The following LITAF variants were observed in gnomAD, a reference collection of about 807,000 sequenced individuals.
LITAF encodes the protein lipopolysaccharide-induced tumor necrosis factor-alpha factor.
LITAF carries 9 observed loss-of-function variants against 14.5 expected under a neutral mutation model. That is an observed-to-expected ratio of 0.62 (90% confidence interval 0.37 to 1.08). The LOEUF (loss-of-function observed/expected upper bound fraction) is 1.08, where lower values mean the gene tolerates loss of function less well. Among genes scored for constraint, LITAF ranks in the 50% least tolerant of loss-of-function variants. The pLI, the probability that LITAF is intolerant of heterozygous loss-of-function variation, is 0.01. For missense variants in LITAF, 206 were observed against 213.4 expected, an observed-to-expected ratio of 0.97 and a Z score of 0.22; for synonymous variants, 98 against 88.2, an observed-to-expected ratio of 1.11 and a Z score of -0.62.
intron 1 of LITAF, among the ~76,000 whole-genome samples, chr16:11,566,293 G>A (rs2064450125): frequency 6.6e-6 from 1 of 152,172 alleles, no homozygotes; most frequent in Non-Finnish European, 1.5e-5. Context: ...GTGACCCAAT[G>A]TCCCAGTCTC....
intron 3 of LITAF, among the ~76,000 whole-genome samples, chr16:11,614,941 G>C (rs2065007879): frequency 6.6e-6 from 1 of 152,244 alleles, no homozygotes. Context: ...CGAATGCATG[G>C]CTTCCAGGAC....
In LITAF at chr16:11,553,659, G is replaced by A. The variant is rs761746674; in HGVS notation, c.251C>T (p.Pro84Leu). Reference protein sequence around the residue: ...ITVQTVYVQHPITFLDRPIQM... With the variant: ...ITVQTVYVQHLITFLDRPIQM... ...GATAGGGCGGTCCAAAAAGGTGATG[G>A]GGTGCTGCACGTAGACCGTCTGCAC... Residue 84 changes from proline (P) to leucine (L), a missense_variant, in exon 3 of 4, where the codon CCC becomes CTC. Pro to Leu is a moderately conservative substitution (Grantham distance 98). Coordinates refer to ENST00000622633, the MANE Select transcript of LITAF (RefSeq NM_001136472.2). This position sits in a 1 kb window ranked among gnomAD's most constrained non-coding sequence, Gnocchi z 7.7. 1.1e-5 allele frequency: 17 copies of A among 1,614,022 alleles called. No homozygotes were observed. The highest frequency in any genetic ancestry group is 1.7e-5 in the Admixed American group (1 of 59,994).
chr16:11,573,765 G>C (rs949221834), intron 1 of LITAF, among the ~76,000 whole-genome samples: 2 of 141,670 alleles, frequency 1.4e-5, no homozygotes, highest in African/African-American at 5.3e-5. Flanking sequence ...GCAGTGGCGC[G>C]ATCTCGACTC....
chr16:11,620,394 G>A (rs539595331), intron 3 of LITAF, among the ~76,000 whole-genome samples: 14 of 152,090 alleles, frequency 9.2e-5, no homozygotes, highest in Middle Eastern at 3.4e-3. Context: ...TGTTTTCGCC[G>A]TGGGACATGC....
In LITAF at chr16:11,632,025, C is replaced by G. The variant is rs985381907; in HGVS notation, c.85+1508G>C. Among the ~76,000 whole-genome samples, 4 of 151,950 alleles carry G rather than the reference C, an allele frequency of 2.6e-5. No individual in the cohort carries two copies. The highest frequency in any genetic ancestry group is 4.8e-5 in the African/African-American group (2 of 41,362). On this transcript the variant is annotated intron_variant, in intron 3 of 3. Coordinates refer to the LITAF transcript ENST00000574848. This position sits in a 1 kb window ranked among gnomAD's most constrained non-coding sequence, Gnocchi z 4.8. ...GGGATTACAGGTGTGCGCCACCACGCCCGGCTAATTTTTTTGTCTTTTTAG... is the reference window on the plus strand; with the variant it reads ...GGGATTACAGGTGTGCGCCACCACGGCCGGCTAATTTTTTTGTCTTTTTAG...
intron 3 of LITAF, among the ~76,000 whole-genome samples, chr16:11,631,202 A>G (rs935116130): frequency 6.6e-6 from 1 of 152,164 alleles, no homozygotes; most frequent in African/African-American, 2.4e-5. Context: ...TGTGGCTGCA[A>G]TTATCACATC....
chr16:11,559,099 T>TA (rs146801534), intron 1 of LITAF, among the ~76,000 whole-genome samples: 2 of 151,924 alleles, frequency 1.3e-5, no homozygotes, highest in East Asian at 1.9e-4. Flanking sequence ...TTTTAAAAAT[T>TA]AAAAAAATTA....
intron 1 of LITAF, among the ~76,000 whole-genome samples, chr16:11,570,904 C>G (rs1412135230): frequency 6.6e-6 from 1 of 151,782 alleles, no homozygotes; most frequent in Non-Finnish European, 1.5e-5. Flanking sequence ...GGCAACAGAG[C>G]AAGACCTCTG....
upstream of LITAF, among the ~76,000 whole-genome samples, chr16:11,589,923 C>CCACACGTTCTGATTTTAAA (rs1597362996): frequency 1.7e-3 from 204 of 117,094 alleles, 2 homozygotes; most frequent in Middle Eastern, 4.4e-3. Flanking sequence ...CACACCCAGC[C>CCACACGTTCTGATTTTAAA]AGTTGCATTT....
At chr16:11,608,745 C>A (rs1026471391) in intron 3 of LITAF, among the ~76,000 whole-genome samples, 1 of 152,088 alleles carries the variant, frequency 6.6e-6, no homozygotes, top group Admixed American at 6.6e-5. Context: ...GGTGGATCAT[C>A]TGAGATCAGG....
chr16:11,578,327 G>GCACA (rs2141821734), intron 1 of LITAF, among the ~76,000 whole-genome samples: 1 of 152,320 alleles, frequency 6.6e-6, no homozygotes, highest in African/African-American at 2.4e-5. Flanking sequence ...GGAGGCCAAG[G>GCACA]CGGGTGGATC....
intron 1 of LITAF, among the ~76,000 whole-genome samples, chr16:11,570,421 T>A (rs919553462): frequency 5.3e-5 from 8 of 152,194 alleles, no homozygotes; most frequent in Non-Finnish European, 7.3e-5. Context: ...CACAGGGACC[T>A]GTTCTGTACC....
upstream of LITAF, among the ~76,000 whole-genome samples, chr16:11,637,481 G>T (rs564395411): frequency 6.6e-6 from 1 of 152,220 alleles, no homozygotes; most frequent in Admixed American, 6.5e-5. Flanking sequence ...CTGGCAGCTG[G>T]GGACCTGGGC....
chr16:11,624,906 C>A, intron 3 of LITAF, among the ~76,000 whole-genome samples: 1 of 152,132 alleles, frequency 6.6e-6, no homozygotes, highest in Non-Finnish European at 1.5e-5. Context: ...CACTCTGACC[C>A]TCCTGGCGTG....
At chr16:11,563,477 T>C (rs1272543698) in intron 1 of LITAF, among the ~76,000 whole-genome samples, 1 of 152,054 alleles carries the variant, frequency 6.6e-6, no homozygotes, top group Non-Finnish European at 1.5e-5. Flanking sequence ...AGAAAAATCA[T>C]GAAAGGAAAA....
At position 11,547,996 on chromosome 16, in the gene LITAF, G is replaced by C. The variant is rs1206158015; in HGVS notation, c.*1641C>G. On this transcript the variant is annotated 3_prime_UTR_variant, in exon 4 of 4. Coordinates refer to ENST00000622633, the MANE Select transcript of LITAF (RefSeq NM_001136472.2). ...TTCACACCAAAAGAACTCATAAATA[G>C]TTCACCGGGTGAACCAAAGACTTTA... is the stretch of plus-strand genomic sequence containing the variant. 4.4e-6 allele frequency: 2 copies of C among 453,944 alleles called. No homozygotes were observed. The highest frequency in any genetic ancestry group is 8.8e-6 in the Non-Finnish European group (2 of 226,796). The allele number at this position is 453,944 out of a possible 1,614,324, so 28.1% of individuals were successfully genotyped here.
intron 3 of LITAF, among the ~76,000 whole-genome samples, chr16:11,620,554 T>G (rs1429601277): frequency 1.3e-5 from 2 of 152,198 alleles, no homozygotes; most frequent in African/African-American, 4.8e-5. Context: ...GTCACAGGTA[T>G]GTTTTTACAG....
rs766852963 is a variant in LITAF, at chr16:11,549,604, C to A, written c.*33G>T. The A allele has an allele frequency of 1.0e-5, 16 of 1,526,502 alleles. No homozygotes were observed. The highest frequency in any genetic ancestry group is 1.4e-5 in the Non-Finnish European group (16 of 1,107,496). 94.6% of individuals were successfully genotyped at this position (1,526,502 alleles called of 1,614,324 possible). On this transcript the variant is annotated 3_prime_UTR_variant, in exon 4 of 4. Coordinates refer to ENST00000622633, the MANE Select transcript of LITAF (RefSeq NM_001136472.2). The surrounding 1 kb of genome is among the most constrained non-coding windows in gnomAD (Gnocchi z 4.6). ...GATGAGAGGTGGAAAGGACTTCCTG[C>A]GGCACCCGGCTCCCTCCACGTCTGG...
chr16:11,608,716 A>G (rs1247738125), intron 3 of LITAF, among the ~76,000 whole-genome samples: 2 of 152,134 alleles, frequency 1.3e-5, no homozygotes, highest in Non-Finnish European at 2.9e-5. Flanking sequence ...TAATCCCAGC[A>G]CTTTGGGAGG....
Sources: gnomAD v4.1 joint callset for allele counts (sites outside exome capture counted in the v4.1 genomes callset) on GRCh38, gnomAD v4.1.1 for gene constraint, Gnocchi (gnomAD v3.1) non-coding constraint, MANE v1.5 for transcripts, NCBI Gene and HGNC (gene_info 2026-07-23, HGNC 2026-07-21) for gene names.